NOTCH2NLB: variants seen among roughly 807,000 people sequenced by gnomAD.
NOTCH2NLB encodes notch homolog 2 N-terminal-like protein B.
NOTCH2NLB carries 1 observed loss-of-function variant against 14.8 expected under a neutral mutation model. That is an observed-to-expected ratio of 0.07 (90% CI 0.02 to 0.32). The LOEUF is 0.32. Ranked by LOEUF, NOTCH2NLB falls within the 10% of genes least tolerant of loss-of-function variation. NOTCH2NLB has a pLI of 1.00. For missense variants in NOTCH2NLB, 11 were observed against 155.0 expected (o/e 0.07, Z 4.93); for synonymous variants, 6 against 57.5 (o/e 0.10, Z 4.05).
chr1:148,692,115 C>G, the NOTCH2NLB span, among the ~76,000 whole-genome samples: 2 of 6,042 alleles, frequency 3.3e-4, no homozygotes, highest in Admixed American at 2.7e-3. Context: ...TCAAACAATT[C>G]TCATCCCTCA....
chr1:148,602,283 AAAG>A (rs1663393027), downstream of NOTCH2NLB, among the ~76,000 whole-genome samples: 704 of 73,166 alleles, frequency 9.6e-3, no homozygotes, highest in Non-Finnish European at 0.013. Flanking sequence ...AAAAAAAAGA[AAAG>A]AAAAGAAAAT....
the NOTCH2NLB span, among the ~76,000 whole-genome samples, chr1:148,693,093 C>CA: frequency 1.7e-5 from 2 of 116,458 alleles, no homozygotes; most frequent in East Asian, 5.1e-4. Context: ...GAGCCGCCCC[C>CA]CCCCCCCCAC....
chr1:148,680,844 G>A (rs1455932374), upstream of NOTCH2NLB, among the ~76,000 whole-genome samples: 1 of 151,232 alleles, frequency 6.6e-6, no homozygotes, highest in African/African-American at 2.4e-5. Context: ...GGAGAGTAGG[G>A]GGTGTGATCA....
At chr1:148,610,371 A>G (rs1362058786) in intron 3 of NOTCH2NLB, among the ~76,000 whole-genome samples, 91 of 100,122 alleles carry the variant, frequency 9.1e-4, no homozygotes, top group East Asian at 2.7e-3. Flanking sequence ...GAAAGAAAGA[A>G]AGAGAAAGAA....
the NOTCH2NLB span, among the ~76,000 whole-genome samples, chr1:148,703,375 T>G: frequency 1.0e-5 from 1 of 99,314 alleles, no homozygotes; most frequent in African/African-American, 3.3e-5. Flanking sequence ...GAAGGAATGG[T>G]TAATTCTGTC....
intron 2 of NOTCH2NLB, among the ~76,000 whole-genome samples, chr1:148,621,426 C>T (rs1286166737): frequency 1.2e-5 from 1 of 80,008 alleles, no homozygotes; most frequent in Non-Finnish European, 2.0e-5. Context: ...TATGCAAATC[C>T]GTAGAGATAG....
At chr1:148,633,080 C>A (rs1291174206) in intron 2 of NOTCH2NLB, among the ~76,000 whole-genome samples, 2 of 123,558 alleles carry the variant, frequency 1.6e-5, no homozygotes, top group African/African-American at 7.2e-5. Flanking sequence ...TTAGAAATTA[C>A]ATAAAGCAGT....
chr1:148,638,003 T>C (rs1471132188), intron 2 of NOTCH2NLB, among the ~76,000 whole-genome samples: 2 of 147,944 alleles, frequency 1.4e-5, no homozygotes, highest in East Asian at 1.9e-4. Context: ...CGTTGGGCAT[T>C]TGGGTTGGTT....
At chr1:148,651,150 A>G (rs1238877702) in intron 1 of NOTCH2NLB, among the ~76,000 whole-genome samples, 6 of 74,836 alleles carry the variant, frequency 8.0e-5, no homozygotes, top group African/African-American at 1.6e-4. Flanking sequence ...CTGAGAAAAA[A>G]AAAAAAAAAA....
chr1:148,638,735 C>A (rs1664273479), intron 2 of NOTCH2NLB, among the ~76,000 whole-genome samples: 1 of 149,234 alleles, frequency 6.7e-6, no homozygotes, highest in Non-Finnish European at 1.5e-5. Flanking sequence ...AAAAAAAAAT[C>A]TTGTTTATAA....
rs1421792445 is a variant in NOTCH2NLB, at chr1:148,639,017, G to GA, written c.77+998dup. ...TTAAAAATTTTCAATTGAGGCAGAA[G>GA]AAAAAAAATTATTTGCAGGAAACCT... is the stretch of plus-strand genomic sequence containing the variant. On this transcript the variant is annotated intron_variant, in intron 2 of 4. Transcript: ENST00000593495. Among the ~76,000 whole-genome samples, 683 of 128,892 alleles carry GA rather than the reference G, an allele frequency of 5.3e-3. 15 individuals are homozygous for GA. The highest frequency in any genetic ancestry group is 9.2e-3 in the Non-Finnish European group (562 of 60,992). The allele number at this position is 128,892 out of a possible 152,430, so 84.6% of individuals were successfully genotyped here. A position where few individuals can be genotyped will look rare whatever the true frequency, so the allele number is the denominator to read the frequency against.
rs1177838948 is a variant in NOTCH2NLB, at chr1:148,638,775, C to G, written c.77+1241G>C. Among the ~76,000 whole-genome samples the G allele has an allele frequency of 2.0e-5, 3 of 148,620 alleles. 1 individual carries two copies. Among genetic ancestry groups the G allele is most frequent in the Non-Finnish European group, 4.5e-5 (3 of 67,178 alleles). On this transcript the variant is annotated intron_variant, in intron 2 of 4. Coordinates refer to ENST00000593495, the Ensembl canonical transcript of NOTCH2NLB. ...AAAAAACTAAATCCTAGTGTCAGAA[C>G]AGATCTCACTGGAAAAAAGTTGTAA...
chr1:148,638,794 G>A (rs1480761545), intron 2 of NOTCH2NLB, among the ~76,000 whole-genome samples: 3 of 148,076 alleles, frequency 2.0e-5, no homozygotes, highest in Non-Finnish European at 3.0e-5. Context: ...CTGGAAAAAA[G>A]TTGTAATTAC....
chr1:148,625,365 G>A (rs1235651387), intron 2 of NOTCH2NLB, among the ~76,000 whole-genome samples: 2 of 84,926 alleles, frequency 2.4e-5, no homozygotes, highest in South Asian at 9.8e-4. Context: ...TTTTTAAAAC[G>A]AGGATTTGGC....
At chr1:148,700,949 T>TC in the NOTCH2NLB span, among the ~76,000 whole-genome samples, 18 of 80,624 alleles carry the variant, frequency 2.2e-4, 4 homozygotes, top group African/African-American at 7.8e-4. Context: ...CATTTTTTTT[T>TC]TTTTGGCTCA....
downstream of NOTCH2NLB, among the ~76,000 whole-genome samples, chr1:148,606,463 CCTT>C (rs1463248762): frequency 2.3e-4 from 33 of 145,002 alleles, 5 homozygotes; most frequent in African/African-American, 8.5e-4. Flanking sequence ...CTACAGTTTT[CCTT>C]CTTTTGTTTT....
At chr1:148,604,950 TACACACAC>T (rs1186780760), downstream of NOTCH2NLB, among the ~76,000 whole-genome samples, 4,833 of 126,320 alleles carry the variant, frequency 0.038, 358 homozygotes, top group African/African-American at 0.12. Context: ...CAACGCCATA[TACACACAC>T]ACACACACAC....
chr1:148,621,289 C>T (rs1170683488), intron 2 of NOTCH2NLB, among the ~76,000 whole-genome samples: 2 of 84,386 alleles, frequency 2.4e-5, no homozygotes, highest in Non-Finnish European at 4.3e-5. Flanking sequence ...AAATATGTGG[C>T]CATGAAAAGG....
the NOTCH2NLB span, among the ~76,000 whole-genome samples, chr1:148,707,685 G>A: frequency 6.7e-6 from 1 of 148,724 alleles, no homozygotes; most frequent in African/African-American, 2.4e-5. Flanking sequence ...GGGAGGCTGA[G>A]ACAGGAGAAT....
Sources: allele counts gnomAD v4.1 joint callset (sites outside exome capture counted in the v4.1 genomes callset), GRCh38; gene constraint gnomAD v4.1.1; transcripts MANE v1.5; gene names NCBI Gene and HGNC (gene_info 2026-07-23, HGNC 2026-07-21).